PABPC1L: variants seen among roughly 807,000 people sequenced by gnomAD.
The protein encoded by PABPC1L is polyadenylate-binding protein 1-like.
A neutral mutation model predicts 66.6 loss-of-function variants in PABPC1L; 31 were observed. That is an observed-to-expected ratio of 0.47 (90% CI 0.35 to 0.63). The LOEUF is 0.63. Ranked by LOEUF, PABPC1L falls within the 20% of genes least tolerant of loss-of-function variation. The pLI is 0.00. For missense variants in PABPC1L, 722 were observed against 848.8 expected (o/e 0.85, Z 1.86); for synonymous variants, 348 against 335.1 (o/e 1.04, Z -0.42).
chr20:44,932,482 C>T, intron 9 of PABPC1L, 50 bp downstream of exon 9: 7 of 1,511,706 alleles, frequency 4.6e-6, no homozygotes, highest in Non-Finnish European at 6.4e-6. Flanking sequence ...TGGTGTGGGC[C>T]CCGTGAGGCA....
chr20:44,938,320 G>C (rs992218221), intron 13 of PABPC1L, 129 bp downstream of exon 13: 2 of 1,268,990 alleles, frequency 1.6e-6, no homozygotes, highest in Non-Finnish European at 2.1e-6. Flanking sequence ...AATACCTGAA[G>C]GCCTGCTGAA....
In PABPC1L at chr20:44,910,076, C is replaced by G. The variant is rs1215120342; in HGVS notation, c.-68C>G. 2.9e-6 allele frequency: 4 copies of G among 1,379,116 alleles called. No homozygotes were observed. The South Asian group carries it at 5.4e-5, about 19-fold the overall frequency. The allele number at this position is 1,379,116 out of a possible 1,614,324, so 85.4% of individuals were successfully genotyped here. A position where few individuals can be genotyped will look rare whatever the true frequency, so the allele number is the denominator to read the frequency against. The stretch of plus-strand genomic sequence containing the variant: ...GCGCCCAGGAAGGAGGGCTTCCGCC[C>G]GGGTGAGCGCGGGGCTGCTGGGTGA... On this transcript the variant is annotated 5_prime_UTR_variant, in exon 1 of 15. Coordinates refer to ENST00000217073, the MANE Select transcript of PABPC1L (RefSeq NM_001372179.1).
intron 11 of PABPC1L, among the ~76,000 whole-genome samples, 180 bp downstream of exon 11, chr20:44,935,677 T>G (rs1454179492): frequency 6.6e-6 from 1 of 152,184 alleles, no homozygotes; most frequent in African/African-American, 2.4e-5. Context: ...GGGCCAGCAT[T>G]ACGTTTTATT....
At chr20:44,933,275 C>T in intron 10 of PABPC1L, 90 bp downstream of exon 10, 1 of 1,097,980 alleles carries the variant, frequency 9.1e-7, no homozygotes, top group Middle Eastern at 2.4e-4. Context: ...TTGCCATATG[C>T]CCTCTCGGTG....
chr20:44,914,270 G>A (rs987130421), intron 2 of PABPC1L, among the ~76,000 whole-genome samples: 4 of 148,282 alleles, frequency 2.7e-5, no homozygotes, highest in African/African-American at 5.0e-5. Flanking sequence ...GCAGTGGCGC[G>A]ATCTCAGCTC....
intron 3 of PABPC1L, among the ~76,000 whole-genome samples, chr20:44,917,927 G>C (rs1162327339): frequency 6.6e-6 from 1 of 152,150 alleles, no homozygotes; most frequent in Non-Finnish European, 1.5e-5. Flanking sequence ...GTACAACTTT[G>C]TTTGTGCTAA....
At chr20:44,936,844 C>A in intron 12 of PABPC1L, 114 bp downstream of exon 12, 1 of 1,096,554 alleles carries the variant, frequency 9.1e-7, no homozygotes, top group Non-Finnish European at 1.4e-6. Flanking sequence ...CCAGCTTTGT[C>A]ACCGACCCCC....
At position 44,910,334 on chromosome 20, in the gene PABPC1L, A is replaced by T; in HGVS notation, c.191A>T (p.Asp64Val). ...TACATCAACTTCCAGCAGCCCGCGG[A>T]CGGTGAGCCCCGGGGATGGGGCGGG... Reference protein sequence around the residue: ...YAYINFQQPADAERALDTMNF... With the variant: ...YAYINFQQPAVAERALDTMNF... Residue 64 changes from aspartate to valine, a missense_variant and splice_region_variant, in exon 1 of 15, where the codon GAC (aspartate) becomes GTC (valine). Physicochemically the swap from Asp to Val is radical, Grantham distance 152. This residue lies in a region of PABPC1L where 284 missense variants were observed against 294.8 expected (regional missense o/e 0.96). Transcript: ENST00000217073. 6.6e-7 allele frequency: 1 copy of T among 1,508,170 alleles called. No homozygotes were observed. Among genetic ancestry groups the T allele is most frequent in the South Asian group, 1.2e-5 (1 of 80,886 alleles). The allele number at this position is 1,508,170 out of a possible 1,614,324, so 93.4% of individuals were successfully genotyped here.
At chr20:44,928,864 C>CAAAAAAAAAAAAAAAAAAAAAAAAAA (rs10597679) in intron 7 of PABPC1L, among the ~76,000 whole-genome samples, 1 of 54,354 alleles carries the variant, frequency 1.8e-5, no homozygotes, top group East Asian at 6.2e-4. Context: ...GATCCTGACT[C>CAAAAAAAAAAAAAAAAAAAAAAAAAA]AAAAAAAAAA....
chr20:44,924,306 A>G (rs1483571416), intron 7 of PABPC1L, 50 bp downstream of exon 7: 6 of 1,416,286 alleles, frequency 4.2e-6, no homozygotes, highest in Non-Finnish European at 6.0e-6. Context: ...CCATCCTCTC[A>G]CCACCATCCC....
chr20:44,925,375 C>G (rs145279374), intron 7 of PABPC1L, among the ~76,000 whole-genome samples: 1 of 152,262 alleles, frequency 6.6e-6, no homozygotes, highest in East Asian at 1.9e-4. Context: ...GTGAGGAAGT[C>G]AGCCCGTCAC....
Position 44,910,248 on chromosome 20 carries a change from C to G in PABPC1L, c.105C>G (p.Gly35=), listed in dbSNP as rs574899677. The part of the protein sequence containing the change: ...AMLYEKFSPA[G]PILSIRVCRD... ...TCTATGAGAAGTTCTCTCCCGCCGGCCCCATCCTGTCCATCCGCGTGTGCC... is the reference window on the plus strand; with the variant it reads ...TCTATGAGAAGTTCTCTCCCGCCGGGCCCATCCTGTCCATCCGCGTGTGCC... Residue 35 remains glycine, a synonymous_variant, in exon 1 of 15, where the codon GGC becomes GGG. Transcript: ENST00000217073. 3 of 1,566,306 alleles carry G rather than the reference C, an allele frequency of 1.9e-6. No homozygotes were observed. The highest frequency in any genetic ancestry group is 3.3e-4 in the Middle Eastern group (2 of 6,002).
In PABPC1L at chr20:44,932,543, C is replaced by T; in HGVS notation, c.1330+111C>T. The T allele has an allele frequency of 4.5e-6, 4 of 888,988 alleles. 1 individual carries two copies. In the South Asian group the frequency reaches 5.3e-5, roughly 12 times the overall value. 55.1% of individuals were successfully genotyped at this position (888,988 alleles called of 1,614,324 possible). On this transcript the variant is annotated intron_variant, in intron 9 of 14. Coordinates refer to ENST00000217073, the MANE Select transcript of PABPC1L (RefSeq NM_001372179.1). Reference sequence around the variant, plus strand: ...CTCTGCCACTTCCCAAGGTGGGTGACTTCACTTCTCTGAGCCTCAGTTTCC... The same window carrying T: ...CTCTGCCACTTCCCAAGGTGGGTGATTTCACTTCTCTGAGCCTCAGTTTCC...
intron 7 of PABPC1L, among the ~76,000 whole-genome samples, chr20:44,929,954 G>T (rs73296566): frequency 6.6e-6 from 1 of 152,146 alleles, no homozygotes; most frequent in African/African-American, 2.4e-5. Context: ...TAGCAGAGGC[G>T]ATAGAAGCTT....
At chr20:44,922,952 G>A (rs541051394) in intron 6 of PABPC1L, among the ~76,000 whole-genome samples, 56 of 152,334 alleles carry the variant, frequency 3.7e-4, no homozygotes, top group South Asian at 2.5e-3. Flanking sequence ...CACTAGATCT[G>A]AGGCTGAGAA....
At chr20:44,938,886 G>T in intron 14 of PABPC1L, 138 bp downstream of exon 14, 1 of 888,262 alleles carries the variant, frequency 1.1e-6, no homozygotes, top group East Asian at 2.6e-5. Context: ...GGAGGAAGTT[G>T]TGAGAATCAG....
At chr20:44,919,110 G>A in intron 4 of PABPC1L, 65 bp downstream of exon 4, 2 of 1,613,316 alleles carry the variant, frequency 1.2e-6, no homozygotes, top group Non-Finnish European at 1.7e-6. Flanking sequence ...AAGTCTGGTA[G>A]GGAGGAGGGG....
rs1261662813 is a variant in PABPC1L at position 44,912,660 on chromosome 20, C to T, written c.194C>T (p.Ala65Val). ...AYINFQQPADAERALDTMNFE... is the reference protein window; with the variant it reads ...AYINFQQPADVERALDTMNFE... Reference sequence around the variant, plus strand: ...TTTCTCTCCTCTTCCTTCTGTCCAGCGGAGCGGGCACTGGACACAATGAAC... The same window carrying T: ...TTTCTCTCCTCTTCCTTCTGTCCAGTGGAGCGGGCACTGGACACAATGAAC... The change falls in exon 2 of 15, where the codon GCG (alanine) becomes GTG (valine). Residue 65 changes from alanine to valine, a missense_variant and splice_region_variant. By Grantham distance (64) the Ala-to-Val change is moderately conservative. This residue lies in a region of PABPC1L where 284 missense variants were observed against 294.8 expected (regional missense o/e 0.96). Transcript: ENST00000217073. The T allele has an allele frequency of 5.0e-6, 8 of 1,606,460 alleles. No individual in the cohort carries two copies. The highest frequency in any genetic ancestry group is 1.1e-5 in the South Asian group (1 of 90,588).
At chr20:44,919,916 A>G (rs1017355952) in intron 5 of PABPC1L, among the ~76,000 whole-genome samples, 1 of 152,164 alleles carries the variant, frequency 6.6e-6, no homozygotes, top group Admixed American at 6.5e-5. Context: ...ATTATGAGAG[A>G]ATTATGCTTG....
Sources: gnomAD v4.1 joint callset for allele counts (sites outside exome capture counted in the v4.1 genomes callset) on GRCh38, gnomAD v4.1.1 for gene constraint, gnomAD v4.1.1 regional missense constraint, MANE v1.5 for transcripts, NCBI Gene and HGNC (gene_info 2026-07-23, HGNC 2026-07-21) for gene names.